RAPGEF5: variants seen among roughly 807,000 people sequenced by gnomAD.
RAPGEF5 encodes the protein M-Ras-regulated GEF.
In RAPGEF5, 65 loss-of-function variants were observed where a neutral mutation model predicts 125.2. That is an observed-to-expected ratio of 0.52 (90% CI 0.43 to 0.64). The LOEUF is 0.64. Ranked by LOEUF, RAPGEF5 falls within the 30% of genes least tolerant of loss-of-function variation. RAPGEF5 has a pLI of 0.00. For missense variants in RAPGEF5, 958 were observed against 1,048.1 expected (o/e 0.91, Z 1.19); for synonymous variants, 391 against 385.9 (o/e 1.01, Z -0.16).
At chr7:22,134,040 C>T (rs1270823912) in intron 23 of RAPGEF5, among the ~76,000 whole-genome samples, 1 of 152,062 alleles carries the variant, frequency 6.6e-6, no homozygotes, top group Non-Finnish European at 1.5e-5. Flanking sequence ...AAGTGGGAGG[C>T]ACAAGAGAGG....
intron 12 of RAPGEF5, among the ~76,000 whole-genome samples, chr7:22,164,644 A>G (rs1298721709): frequency 6.6e-6 from 1 of 152,158 alleles, no homozygotes; most frequent in African/African-American, 2.4e-5. Context: ...TTAAATTTGC[A>G]TTTGTATTAA....
At chr7:22,275,573 G>T (rs1161844113) in intron 6 of RAPGEF5, among the ~76,000 whole-genome samples, 1 of 152,198 alleles carries the variant, frequency 6.6e-6, no homozygotes, top group Non-Finnish European at 1.5e-5. Flanking sequence ...TTGAATTTGT[G>T]AGATTCAATA....
chr7:22,256,120 T>C (rs777568784), intron 7 of RAPGEF5, among the ~76,000 whole-genome samples: 11 of 152,080 alleles, frequency 7.2e-5, no homozygotes, highest in Non-Finnish European at 1.5e-4. Flanking sequence ...TTGTGTGGGG[T>C]TGACTTGACC....
At chr7:22,314,654 T>C in intron 3 of RAPGEF5, 3 of 977,432 alleles carry the variant, frequency 3.1e-6, no homozygotes, top group South Asian at 4.7e-5. Context: ...AGAATAGTGA[T>C]AACAAATGGT....
At chr7:22,129,233 C>T (rs1782840892) in intron 24 of RAPGEF5, among the ~76,000 whole-genome samples, 1 of 152,122 alleles carries the variant, frequency 6.6e-6, no homozygotes, top group East Asian at 1.9e-4. Flanking sequence ...AACAAATTCA[C>T]TGGTTCACTT....
chr7:22,336,426 A>G (rs527864764), intron 1 of RAPGEF5, among the ~76,000 whole-genome samples: 22 of 152,372 alleles, frequency 1.4e-4, no homozygotes, highest in South Asian at 6.2e-4. Context: ...GGTGGTACAG[A>G]AACAGGCTAT....
intron 6 of RAPGEF5, among the ~76,000 whole-genome samples, chr7:22,286,434 T>C (rs1322935006): frequency 6.6e-6 from 1 of 152,174 alleles, no homozygotes; most frequent in African/African-American, 2.4e-5. Flanking sequence ...CAAACCCAGA[T>C]GAGATGTTTG....
intron 19 of RAPGEF5, among the ~76,000 whole-genome samples, chr7:22,145,967 C>CGT (rs71864981): frequency 0.046 from 6,570 of 143,888 alleles, 217 homozygotes; most frequent in African/African-American, 0.091. Flanking sequence ...TGTTTGTGTG[C>CGT]GTGTGTGTGT....
intron 11 of RAPGEF5, among the ~76,000 whole-genome samples, chr7:22,189,947 C>CTTAT (rs1358791743): frequency 1.3e-5 from 2 of 152,162 alleles, no homozygotes; most frequent in African/African-American, 4.8e-5. Context: ...TTTGCTTGTT[C>CTTAT]CTTATCAGCA....
At chr7:22,270,713 C>A (rs139443609) in intron 6 of RAPGEF5, among the ~76,000 whole-genome samples, 2,349 of 152,304 alleles carry the variant, frequency 0.015, 65 homozygotes, top group African/African-American at 0.053. Flanking sequence ...CTTTTCAGAA[C>A]TCCCTGGGAC....
chr7:22,142,486 ATAGCT>A (rs1783294535), intron 20 of RAPGEF5, among the ~76,000 whole-genome samples: 1 of 152,186 alleles, frequency 6.6e-6, no homozygotes, highest in African/African-American at 2.4e-5. Context: ...CCTGGTCCAT[ATAGCT>A]TTCTTTTTTA....
intron 6 of RAPGEF5, among the ~76,000 whole-genome samples, chr7:22,290,614 G>A (rs1408569977): frequency 6.6e-5 from 10 of 151,088 alleles, no homozygotes; most frequent in Non-Finnish European, 1.2e-4. Context: ...GCGTAGTGGC[G>A]GGCGCCTGTA....
chr7:22,313,151 C>T (rs1381500808), intron 3 of RAPGEF5, among the ~76,000 whole-genome samples: 2 of 152,200 alleles, frequency 1.3e-5, no homozygotes, highest in Non-Finnish European at 2.9e-5. Flanking sequence ...TGAATTTACC[C>T]AATCTCCAGA....
At chr7:22,188,200 C>A (rs977360465) in intron 11 of RAPGEF5, among the ~76,000 whole-genome samples, 9 of 152,182 alleles carry the variant, frequency 5.9e-5, no homozygotes, top group African/African-American at 2.2e-4. Flanking sequence ...TATGGTCTGG[C>A]AACCTGGGAG....
At chr7:22,162,705 A>G (rs1784045422) in intron 12 of RAPGEF5, among the ~76,000 whole-genome samples, 164 bp from the exon 13 acceptor site, 3 of 152,254 alleles carry the variant, frequency 2.0e-5, no homozygotes, top group African/African-American at 7.2e-5. Flanking sequence ...GAGAAGAGCA[A>G]AAGTAAACTG....
At chr7:22,354,708 C>T (rs1784390349) in intron 1 of RAPGEF5, among the ~76,000 whole-genome samples, 1 of 151,990 alleles carries the variant, frequency 6.6e-6, no homozygotes, top group African/African-American at 2.4e-5. Flanking sequence ...AAGAGGGAGC[C>T]CTCTCTTCCT....
Position 22,168,642 on chromosome 7 carries a change from T to A in RAPGEF5, c.1205-1494A>T, listed in dbSNP as rs541011002. Among the ~76,000 whole-genome samples the A allele has an allele frequency of 2.0e-5, 3 of 152,322 alleles. No individual in the cohort carries two copies. In the South Asian group the frequency reaches 6.2e-4, roughly 32 times the overall value. ...TTAGGAATAACCAGTAATATTTACT[T>A]TAAAAGTTAATCAGAAAAACAAGGT... On this transcript the variant is annotated intron_variant, in intron 11 of 25. Transcript: ENST00000665637.
chr7:22,311,181 G>A (rs1783462091), intron 3 of RAPGEF5, among the ~76,000 whole-genome samples: 1 of 151,992 alleles, frequency 6.6e-6, no homozygotes, highest in African/African-American at 2.4e-5. Flanking sequence ...GCTCACCACT[G>A]GCTAATTTTT....
At chr7:22,211,963 CTTTTTTTTT>C (rs749576250) in intron 9 of RAPGEF5, among the ~76,000 whole-genome samples, 13 of 114,342 alleles carry the variant, frequency 1.1e-4, no homozygotes, top group South Asian at 3.1e-4. Context: ...CATGTGTTCT[CTTTTTTTTT>C]TTTTTTTTTT....
Sources: gnomAD v4.1 joint callset for allele counts (sites outside exome capture counted in the v4.1 genomes callset) on GRCh38, gnomAD v4.1.1 for gene constraint, MANE v1.5 for transcripts, NCBI Gene and HGNC (gene_info 2026-07-23, HGNC 2026-07-21) for gene names.